Variants in MGRN1 observed in about 807,000 individuals in gnomAD.
The protein encoded by MGRN1 is E3 ubiquitin-protein ligase MGRN1.
A neutral mutation model predicts 69.2 loss-of-function variants in MGRN1; 29 were observed. The ratio of observed to expected loss-of-function variants is 0.42; its 90% confidence interval spans 0.31 to 0.57. MGRN1 has a LOEUF of 0.57. Ranked by LOEUF, MGRN1 falls within the 20% of genes least tolerant of loss-of-function variation. MGRN1 has a pLI of 0.15. For missense variants in MGRN1, 998 were observed against 796.2 expected (o/e 1.25, Z -3.05); for synonymous variants, 470 against 344.2 (o/e 1.37, Z -4.04).
chr16:4,659,613 T>C (rs909400099), intron 5 of MGRN1, among the ~76,000 whole-genome samples: 2 of 152,246 alleles, frequency 1.3e-5, no homozygotes, highest in Admixed American at 6.5e-5. Context: ...CTGAGGAAGC[T>C]GAAGGAGGGC....
intron 8 of MGRN1, chr16:4,669,003 C>T (rs552242448): frequency 2.3e-5 from 3 of 129,534 alleles, no homozygotes; most frequent in Non-Finnish European, 3.5e-5. Flanking sequence ...CGCATACACT[C>T]ACATAGACAC....
chr16:4,668,439 A>C, intron 8 of MGRN1, 127 bp downstream of exon 8: 1 of 918,294 alleles, frequency 1.1e-6, no homozygotes, highest in Non-Finnish European at 1.7e-6. Context: ...GCTCATACAC[A>C]CTCATACACA....
chr16:4,661,996 T>C (rs1379093474), intron 5 of MGRN1, among the ~76,000 whole-genome samples: 1 of 152,144 alleles, frequency 6.6e-6, no homozygotes, highest in East Asian at 1.9e-4. Flanking sequence ...GGGACATGCC[T>C]GGGAACGCCA....
At chr16:4,674,906 C>G (rs562285220) in intron 10 of MGRN1, among the ~76,000 whole-genome samples, 2 of 152,034 alleles carry the variant, frequency 1.3e-5, no homozygotes, top group Admixed American at 1.3e-4. Flanking sequence ...TCCCAAAGTG[C>G]TGGGATTACA....
chr16:4,628,075 G>C (rs1172620641), intron 1 of MGRN1, among the ~76,000 whole-genome samples: 1 of 122,250 alleles, frequency 8.2e-6, no homozygotes, highest in Non-Finnish European at 1.7e-5. Context: ...GTGAGACTCC[G>C]TCTCAAAAAA....
Position 4,630,448 on chromosome 16 carries a change from T to C in MGRN1, c.88+5400T>C, listed in dbSNP as rs183572205. ...ATTTTTTTCTAGCATTTTGTTGTTG[T>C]TGTTGTTGTTGGTTTTTTTTGAGAT... On this transcript the variant is annotated intron_variant, in intron 1 of 16. Coordinates refer to ENST00000262370, the MANE Select transcript of MGRN1 (RefSeq NM_015246.4). Among the ~76,000 whole-genome samples the C allele has an allele frequency of 3.1e-4, 47 of 151,468 alleles. No homozygotes were observed. The East Asian group carries it at 8.6e-3, about 28-fold the overall frequency.
chr16:4,640,942 G>T (rs1596266501), intron 1 of MGRN1, among the ~76,000 whole-genome samples: 1 of 152,220 alleles, frequency 6.6e-6, no homozygotes, highest in South Asian at 2.1e-4. Flanking sequence ...GAAAGTGTGG[G>T]CCTTGTCTGC....
chr16:4,668,382 C>A, intron 8 of MGRN1, 70 bp downstream of exon 8: 1 of 1,524,322 alleles, frequency 6.6e-7, no homozygotes. Flanking sequence ...CACACGCATA[C>A]TCATACATAG....
rs1208128838 is a variant in MGRN1 at position 4,687,087 on chromosome 16, CGTG to C, written c.1619-1707_1619-1705del. 19 of 985,358 alleles carry C rather than the reference CGTG, an allele frequency of 1.9e-5. No individual in the cohort carries two copies. In the Admixed American group the frequency reaches 1.2e-3, roughly 61 times the overall value. 61.0% of individuals were successfully genotyped at this position (985,358 alleles called of 1,614,324 possible). ...ACCATGGGCCTGGCACACAGTCCCT[CGTG>C]GGCTGCCTTTGTGCCATGAGCCCAC... On this transcript the variant is annotated intron_variant, in intron 16 of 16. Transcript: ENST00000262370.
intron 1 of MGRN1, among the ~76,000 whole-genome samples, chr16:4,647,576 A>G (rs1297616654): frequency 6.6e-6 from 1 of 152,228 alleles, no homozygotes; most frequent in Non-Finnish European, 1.5e-5. Flanking sequence ...TTCTCTGTGT[A>G]TTCACAATTT....
chr16:4,632,688 C>A (rs767735002), intron 1 of MGRN1, among the ~76,000 whole-genome samples: 6 of 152,182 alleles, frequency 3.9e-5, no homozygotes, highest in African/African-American at 1.4e-4. Flanking sequence ...GCCACCGTGC[C>A]GGGACCAGTG....
intron 9 of MGRN1, among the ~76,000 whole-genome samples, chr16:4,672,177 T>C (rs565822378): frequency 6.6e-6 from 1 of 152,164 alleles, no homozygotes; most frequent in Non-Finnish European, 1.5e-5. Flanking sequence ...GTGCTGGGAT[T>C]ACAGGCGTGA....
At chr16:4,651,724 G>A (rs573216278) in intron 2 of MGRN1, among the ~76,000 whole-genome samples, 1 of 152,282 alleles carries the variant, frequency 6.6e-6, no homozygotes, top group Admixed American at 6.5e-5. Context: ...GCAGGGGTCT[G>A]GCGTTGAGGC....
chr16:4,684,958 G>C (rs1215625509), intron 16 of MGRN1, among the ~76,000 whole-genome samples: 1 of 152,210 alleles, frequency 6.6e-6, no homozygotes, highest in Non-Finnish European at 1.5e-5. Context: ...GTTGTGACGT[G>C]CTTTAGTTGG....
At chr16:4,682,018 C>T (rs1025318885) in intron 13 of MGRN1, among the ~76,000 whole-genome samples, 25 of 151,710 alleles carry the variant, frequency 1.6e-4, no homozygotes, top group African/African-American at 3.4e-4. Flanking sequence ...AGGGCCACAC[C>T]GGCGTGCAGG....
Position 4,678,671 on chromosome 16 carries a change from C to T in MGRN1, c.1065+1099C>T, listed in dbSNP as rs188957704. 1.9e-3 allele frequency among the ~76,000 whole-genome samples: 287 copies of T among 152,298 alleles called. 2 individuals carry two copies. Among genetic ancestry groups the T allele is most frequent in the African/African-American group, 6.6e-3 (275 of 41,554 alleles). ...GAGTTGGACAGTGACTGGTTGGGCCCGGGTCTTAGGCCCCCTGCTCCCCAC... is the reference window on the plus strand; with the variant it reads ...GAGTTGGACAGTGACTGGTTGGGCCTGGGTCTTAGGCCCCCTGCTCCCCAC... On this transcript the variant is annotated intron_variant, in intron 11 of 16. Transcript: ENST00000262370.
At chr16:4,639,935 C>T (rs2078120550) in intron 1 of MGRN1, 2 of 152,378 alleles carry the variant, frequency 1.3e-5, no homozygotes, top group Non-Finnish European at 1.5e-5. Context: ...GCCCTCCACG[C>T]TCCGCGGCTC....
intron 15 of MGRN1, 71 bp from the exon 16 acceptor site, chr16:4,683,772 C>T (rs1596319082): frequency 2.9e-6 from 4 of 1,396,658 alleles, no homozygotes; most frequent in South Asian, 1.2e-5. Context: ...GAGAGACGGC[C>T]TCCTGCCCAG....
chr16:4,681,014 G>C (rs1416440940), intron 12 of MGRN1, among the ~76,000 whole-genome samples: 1 of 152,238 alleles, frequency 6.6e-6, no homozygotes. Flanking sequence ...CCTCAGCCTT[G>C]TTGATTCTGT....
Sources: gnomAD v4.1 joint callset for allele counts (sites outside exome capture counted in the v4.1 genomes callset) on GRCh38, gnomAD v4.1.1 for gene constraint, MANE v1.5 for transcripts, NCBI Gene and HGNC (gene_info 2026-07-23, HGNC 2026-07-21) for gene names.